The following ALKBH1 variants were observed in gnomAD, a reference collection of about 807,000 sequenced individuals.
ALKBH1 encodes the protein alkB homolog 1, histone H2A dioxygenase, also known as nucleic acid dioxygenase ALKBH1.
ALKBH1 carries 31 observed loss-of-function variants against 36.6 expected under a neutral mutation model. The observed-to-expected ratio is 0.85, with a 90% CI of 0.64 to 1.14. The LOEUF (loss-of-function observed/expected upper bound fraction) is 1.14. Among genes scored for constraint, ALKBH1 ranks in the 50% most tolerant of loss-of-function variants. The probability of loss-of-function intolerance (pLI) is 0.00; values close to 1 mark genes in which losing one functional copy is unlikely to be tolerated. For missense variants in ALKBH1, 490 were observed against 497.3 expected (o/e 0.99, Z 0.14); for synonymous variants, 183 against 186.6 (o/e 0.98, Z 0.16).
At chr14:77,695,585 C>T (rs916456288) in intron 2 of ALKBH1, among the ~76,000 whole-genome samples, 1 of 152,216 alleles carries the variant, frequency 6.6e-6, no homozygotes, top group Non-Finnish European at 1.5e-5. Context: ...CTTTTCCAAG[C>T]TTCTCAATGT....
At chr14:77,676,853 A>G (rs1441332396) in intron 4 of ALKBH1, among the ~76,000 whole-genome samples, 3 of 152,192 alleles carry the variant, frequency 2.0e-5, no homozygotes, top group Non-Finnish European at 4.4e-5. Flanking sequence ...TGGCAATTTG[A>G]CTGGTCAATC....
chr14:77,707,984 G>T lies in ALKBH1; in HGVS notation c.21C>A (p.Ala7=), dbSNP rs749200552. MGKMAA[A]VGSVATLATE... is the part of the protein sequence containing the mutation. ...TCGCCAGAGTCGCCACAGAGCCCAC[G>T]GCCGCTGCCATCTTCCCCATCTCGC... Residue 7 remains alanine, a synonymous_variant, in exon 1 of 6, where the codon GCC becomes GCA. Transcript: ENST00000216489. 6.2e-7 allele frequency: 1 copy of T among 1,611,292 alleles called. No homozygotes were observed. The highest frequency in any genetic ancestry group is 1.7e-4 in the Middle Eastern group (1 of 6,016).
chr14:77,676,582 A>G (rs936524406), intron 4 of ALKBH1, among the ~76,000 whole-genome samples: 16 of 152,232 alleles, frequency 1.1e-4, no homozygotes, highest in Admixed American at 2.0e-4. Context: ...CAAAGATATT[A>G]GTTAAAAACT....
intron 2 of ALKBH1, among the ~76,000 whole-genome samples, chr14:77,702,291 ACT>A (rs2080363773): frequency 6.6e-6 from 1 of 152,036 alleles, no homozygotes; most frequent in African/African-American, 2.4e-5. Flanking sequence ...ACAGAGCAAG[ACT>A]CTGTCTCAAA....
chr14:77,673,937 T>G lies in ALKBH1; in HGVS notation c.1045A>C (p.Thr349Pro). Residue 349 changes from threonine to proline, a missense_variant, in exon 6 of 6, where the codon ACA becomes CCA. Physicochemically the swap from Thr to Pro is conservative, Grantham distance 38. Coordinates refer to ENST00000216489, the MANE Select transcript of ALKBH1 (RefSeq NM_006020.3). ...GGTTCTAGAGGGAAATTCTGGTCTG[T>G]GGCCAGGACCTGTCGGACAGTCATG... Reference protein sequence around the residue: ...VNMTVRQVLATDQNFPLEPIE... With the variant: ...VNMTVRQVLAPDQNFPLEPIE... 1 of 1,614,212 alleles carries G rather than the reference T, an allele frequency of 6.2e-7. No individual in the cohort carries two copies. The highest frequency in any genetic ancestry group is 8.5e-7 in the Non-Finnish European group (1 of 1,180,036).
At chr14:77,679,174 G>C (rs1223972125) in intron 4 of ALKBH1, among the ~76,000 whole-genome samples, 1 of 151,932 alleles carries the variant, frequency 6.6e-6, no homozygotes. Context: ...TGAAATACAT[G>C]GAGCTTCTTT....
At chr14:77,683,265 A>G in intron 3 of ALKBH1, 2 of 779,792 alleles carry the variant, frequency 2.6e-6, no homozygotes, top group Non-Finnish European at 4.7e-6. Context: ...TTGTTCTCAC[A>G]AAGTGTGCTT....
rs769385998 is a variant in ALKBH1 at position 77,679,968 on chromosome 14, T to TA, written c.457dup (p.Tyr153LeufsTer2). 6 of 1,612,910 alleles carry TA rather than the reference T, an allele frequency of 3.7e-6. No individual in the cohort carries two copies. In the African/African-American group the frequency reaches 8.0e-5, roughly 22 times the overall value. On this transcript the variant is annotated frameshift_variant and splice_region_variant, in exon 4 of 6. Transcript: ENST00000216489. LOFTEE classifies it high-confidence loss of function. Reference sequence around the variant, plus strand: ...GGGTCTCCGTTTAGTCGCTTCTTTATACCTGCAAAGATTGGTGACAAAAGA... The same window carrying TA: ...GGGTCTCCGTTTAGTCGCTTCTTTATAACCTGCAAAGATTGGTGACAAAAGA...
chr14:77,693,944 G>A (rs559359513), intron 3 of ALKBH1, among the ~76,000 whole-genome samples: 8 of 152,190 alleles, frequency 5.3e-5, no homozygotes, highest in Non-Finnish European at 8.8e-5. Flanking sequence ...CTGAGATCGC[G>A]CCACTGCACT....
intron 2 of ALKBH1, among the ~76,000 whole-genome samples, chr14:77,702,962 T>C (rs958616400): frequency 5.3e-5 from 8 of 152,044 alleles, no homozygotes; most frequent in African/African-American, 1.9e-4. Flanking sequence ...CGAAACCAGC[T>C]TGGCCAACAT....
In ALKBH1 at chr14:77,707,896, TC is replaced by T; in HGVS notation, c.108del (p.Thr37ProfsTer26). 1.2e-6 allele frequency: 2 copies of T among 1,613,384 alleles called. No individual in the cohort carries two copies. Among genetic ancestry groups the T allele is most frequent in the Non-Finnish European group, 1.7e-6 (2 of 1,179,962 alleles). Reference sequence around the variant, plus strand: ...TCGATGACCCCTTCCAGGTCTGCGGTCCCGGGCCGGCTCTGACGGTAGAAGC... The same window carrying T: ...TCGATGACCCCTTCCAGGTCTGCGGTCCGGGCCGGCTCTGACGGTAGAAGC... ...LFRFYRQSRPGTADLEGVIDF... is the reference protein window; with the variant it reads ...LFRFYRQSRPXTADLEGVIDF... On this transcript the variant is annotated frameshift_variant, in exon 1 of 6. Coordinates refer to ENST00000216489, the MANE Select transcript of ALKBH1 (RefSeq NM_006020.3). LOFTEE classifies it high-confidence loss of function.
intron 2 of ALKBH1, among the ~76,000 whole-genome samples, chr14:77,701,333 A>T (rs1595059375): frequency 6.6e-6 from 1 of 152,190 alleles, no homozygotes; most frequent in African/African-American, 2.4e-5. Context: ...CATTTTACAT[A>T]TGATGAAACT....
intron 5 of ALKBH1, among the ~76,000 whole-genome samples, 155 bp downstream of exon 5, chr14:77,675,501 A>T (rs1179066219): frequency 6.6e-6 from 1 of 152,180 alleles, no homozygotes; most frequent in African/African-American, 2.4e-5. Flanking sequence ...AAACAGAGAT[A>T]CTAACTATAA....
At position 77,674,184 on chromosome 14, in the gene ALKBH1, C is replaced by T. The variant is rs368631857; in HGVS notation, c.798G>A (p.Thr266=). The T allele has an allele frequency of 9.3e-5, 150 of 1,613,682 alleles. No individual in the cohort carries two copies. The highest frequency in any genetic ancestry group is 4.9e-4 in the Middle Eastern group (3 of 6,084). The part of the protein sequence containing the change: ...LGGLQRDEAP[T]AMFMHSGDIM... ...TGTCACCACTGTGCATAAACATGGC[C>T]GTGGGGGCCTCATCCCTTTGAAGAC... Residue 266 remains threonine (T), a synonymous_variant, in exon 6 of 6, where the codon ACG becomes ACA. Coordinates refer to ENST00000216489, the MANE Select transcript of ALKBH1 (RefSeq NM_006020.3).
intron 5 of ALKBH1, 122 bp from the exon 6 acceptor site, chr14:77,674,363 C>A: frequency 8.9e-7 from 1 of 1,126,688 alleles, no homozygotes; most frequent in Non-Finnish European, 1.2e-6. Flanking sequence ...TTTATTGCTC[C>A]CAAATCCTCC....
chr14:77,674,370 C>T, intron 5 of ALKBH1, 129 bp from the exon 6 acceptor site: 2 of 1,104,648 alleles, frequency 1.8e-6, no homozygotes, highest in South Asian at 1.7e-5. Flanking sequence ...CTCCCAAATC[C>T]TCCTTTTTAA....
Position 77,694,834 on chromosome 14 carries a change from T to A in ALKBH1, c.359A>T (p.Lys120Met). Residue 120 changes from lysine (K) to methionine (M), a missense_variant, in exon 3 of 6, where the codon AAG (lysine) becomes ATG (methionine). By Grantham distance (95) the Lys-to-Met change is moderately conservative. Coordinates refer to ENST00000216489, the MANE Select transcript of ALKBH1 (RefSeq NM_006020.3). Reference sequence around the variant, plus strand: ...TACATTAGGTTTCTGGGAATATAACTTAAGGCACTGTTTCACCCAGTGCCA... The same window carrying A: ...TACATTAGGTTTCTGGGAATATAACATAAGGCACTGTTTCACCCAGTGCCA... Reference protein sequence around the residue: ...YQWHWVKQCLKLYSQKPNVCN... With the variant: ...YQWHWVKQCLMLYSQKPNVCN... The A allele has an allele frequency of 6.2e-7, 1 of 1,607,692 alleles. No individual in the cohort carries two copies. The highest frequency in any genetic ancestry group is 8.5e-7 in the Non-Finnish European group (1 of 1,177,106).
intron 1 of ALKBH1, among the ~76,000 whole-genome samples, chr14:77,706,569 C>T (rs1289911581): frequency 3.9e-5 from 6 of 152,166 alleles, no homozygotes; most frequent in Non-Finnish European, 8.8e-5. Flanking sequence ...GAACTAAACA[C>T]CCAAGCTTTC....
intron 4 of ALKBH1, among the ~76,000 whole-genome samples, chr14:77,678,638 G>A (rs1191926671): frequency 6.6e-6 from 1 of 151,442 alleles, no homozygotes; most frequent in African/African-American, 2.4e-5. Flanking sequence ...CTTATAATCA[G>A]TATACTCCCT....
Sources: gnomAD v4.1 joint callset for allele counts (sites outside exome capture counted in the v4.1 genomes callset) on GRCh38, gnomAD v4.1.1 for gene constraint, MANE v1.5 for transcripts, NCBI Gene and HGNC (gene_info 2026-07-23, HGNC 2026-07-21) for gene names.